The following TRPM6 variants were observed in gnomAD, a reference collection of about 807,000 sequenced individuals.
The protein encoded by TRPM6 is channel kinase 2.
In TRPM6, 111 loss-of-function variants were observed where a neutral mutation model predicts 247.6. The observed-to-expected ratio is 0.45, with a 90% CI of 0.38 to 0.52. The LOEUF (loss-of-function observed/expected upper bound fraction) is 0.52. TRPM6 is among the 20% of genes least tolerant of loss of function. The pLI is 0.00. For missense variants in TRPM6, 2,126 were observed against 2,421.5 expected (o/e 0.88, Z 2.56); for synonymous variants, 892 against 853.8 (o/e 1.04, Z -0.78).
rs138589301 is a variant in TRPM6 at position 74,887,722 on chromosome 9, T to C, written c.33+102A>G. On this transcript the variant is annotated intron_variant, in intron 1 of 38. Coordinates refer to ENST00000360774, the MANE Select transcript of TRPM6 (RefSeq NM_017662.5). ...AGCTATTCTAGATCCTCGTTAGATG[T>C]AGTGTCCCTGGCCCCACCCACTTCT... 4.1e-4 allele frequency: 668 copies of C among 1,613,012 alleles called. 4 individuals are homozygous for C. The African/African-American group carries it at 7.1e-3, about 17-fold the overall frequency.
At chr9:74,843,723 G>A (rs1830017044) in intron 3 of TRPM6, among the ~76,000 whole-genome samples, 1 of 148,590 alleles carries the variant, frequency 6.7e-6, no homozygotes, top group Non-Finnish European at 1.5e-5. Flanking sequence ...GCTGAGACGG[G>A]AAAATGGCAT....
At chr9:74,858,344 G>A (rs538866131) in intron 2 of TRPM6, among the ~76,000 whole-genome samples, 2 of 152,274 alleles carry the variant, frequency 1.3e-5, no homozygotes, top group Admixed American at 6.5e-5. Flanking sequence ...CTGAGATTGC[G>A]CCACTGCACT....
intron 9 of TRPM6, among the ~76,000 whole-genome samples, chr9:74,818,555 G>A (rs530093450): frequency 6.6e-5 from 10 of 151,982 alleles, no homozygotes; most frequent in Admixed American, 4.6e-4. Context: ...CACCCACTTC[G>A]GCCTCCCAAA....
chr9:74,842,966 G>T (rs765464216), intron 3 of TRPM6, among the ~76,000 whole-genome samples: 35 of 152,264 alleles, frequency 2.3e-4, no homozygotes, highest in Middle Eastern at 6.8e-3. Flanking sequence ...TTTCACAAAA[G>T]ATTTCTCTGT....
chr9:74,818,197 C>CT (rs969025832), intron 9 of TRPM6, among the ~76,000 whole-genome samples: 4 of 151,070 alleles, frequency 2.6e-5, no homozygotes, highest in African/African-American at 9.8e-5. Context: ...TTTACCTGTC[C>CT]TTTTCTTAAC....
intron 36 of TRPM6, among the ~76,000 whole-genome samples, chr9:74,735,968 G>A (rs1297498993): frequency 6.6e-6 from 1 of 152,154 alleles, no homozygotes; most frequent in Non-Finnish European, 1.5e-5. Flanking sequence ...ACAGCACACT[G>A]AGCAGGGCCT....
chr9:74,737,500 C>T (rs894150109), intron 36 of TRPM6: 4 of 1,132,910 alleles, frequency 3.5e-6, no homozygotes, highest in Admixed American at 4.6e-5. Context: ...TTTAAACAAA[C>T]CATAAGATGG....
intron 31 of TRPM6, among the ~76,000 whole-genome samples, chr9:74,746,211 C>G (rs1318477318): frequency 6.6e-6 from 1 of 151,220 alleles, no homozygotes; most frequent in African/African-American, 2.4e-5. Flanking sequence ...TGCACTGCAG[C>G]CTGGGCGACA....
chr9:74,879,432 C>T (rs1831292391), intron 1 of TRPM6, among the ~76,000 whole-genome samples: 1 of 151,958 alleles, frequency 6.6e-6, no homozygotes. Flanking sequence ...TAATAACTCC[C>T]ATATCCTTTC....
intron 3 of TRPM6, among the ~76,000 whole-genome samples, chr9:74,844,368 TTTG>T (rs966826105): frequency 1.4e-4 from 21 of 152,364 alleles, no homozygotes; most frequent in African/African-American, 4.8e-4. Flanking sequence ...ATTGAAAATC[TTTG>T]TTTAGTGTAG....
intron 15 of TRPM6, among the ~76,000 whole-genome samples, chr9:74,803,101 A>G (rs1828400479): frequency 6.6e-6 from 1 of 152,240 alleles, no homozygotes; most frequent in South Asian, 2.1e-4. Context: ...TCTATAAATA[A>G]AAGGAATTCA....
intron 11 of TRPM6, among the ~76,000 whole-genome samples, chr9:74,814,073 G>A (rs1481089102): frequency 3.3e-5 from 5 of 152,162 alleles, no homozygotes; most frequent in Admixed American, 2.0e-4. Context: ...CTCCAGCCTG[G>A]GCCACAGAGT....
intron 7 of TRPM6, among the ~76,000 whole-genome samples, chr9:74,826,481 T>A (rs1829332215): frequency 6.6e-6 from 1 of 152,178 alleles, no homozygotes; most frequent in Non-Finnish European, 1.5e-5. Context: ...GAAGATTTAA[T>A]TCGGCACAAG....
rs1564026066 is a variant in TRPM6 at position 74,812,294 on chromosome 9, C to G, written c.1443+5G>C. ...GAAATGATTGATGAAATGTTCCATA[C>G]TCACTGTATTGTAGAGCTCTTCCAG... On this transcript the variant is annotated splice_donor_5th_base_variant and intron_variant, in intron 12 of 38. Coordinates refer to ENST00000360774, the MANE Select transcript of TRPM6 (RefSeq NM_017662.5). The G allele has an allele frequency of 6.2e-7, 1 of 1,613,592 alleles. No homozygotes were observed. Among genetic ancestry groups the G allele is most frequent in the Non-Finnish European group, 8.5e-7 (1 of 1,179,860 alleles).
chr9:74,873,009 T>G (rs1428061603), intron 1 of TRPM6, among the ~76,000 whole-genome samples: 1 of 152,232 alleles, frequency 6.6e-6, no homozygotes, highest in African/African-American at 2.4e-5. Context: ...AAGATAAAGT[T>G]GTAAAGTTCT....
chr9:74,869,476 G>A (rs1198879817), intron 1 of TRPM6, among the ~76,000 whole-genome samples: 1 of 150,132 alleles, frequency 6.7e-6, no homozygotes, highest in African/African-American at 2.4e-5. Context: ...AAAAGAAACT[G>A]TCATAAATGG....
intron 5 of TRPM6, among the ~76,000 whole-genome samples, chr9:74,839,590 A>G (rs1829846425): frequency 6.6e-6 from 1 of 152,130 alleles, no homozygotes; most frequent in Admixed American, 6.5e-5. Context: ...TGTCCCTTCT[A>G]GCCTTGCTGT....
rs990643884 is a variant in TRPM6 at position 74,728,154 on chromosome 9, A to T, written c.5935+85T>A. 1.5e-5 allele frequency: 16 copies of T among 1,064,316 alleles called. No homozygotes were observed. The African/African-American group carries it at 2.3e-4, about 16-fold the overall frequency. The allele number at this position is 1,064,316 out of a possible 1,614,324, so 65.9% of individuals were successfully genotyped here. A position where few individuals can be genotyped will look rare whatever the true frequency, so the allele number is the denominator to read the frequency against. The stretch of plus-strand genomic sequence containing the variant: ...CGGTGAATGAGATAAAAATGTGATT[A>T]CGATTTTCTACTTTATCCCAGGTTA... On this transcript the variant is annotated intron_variant, in intron 38 of 38. Coordinates refer to ENST00000360774, the MANE Select transcript of TRPM6 (RefSeq NM_017662.5).
intron 18 of TRPM6, among the ~76,000 whole-genome samples, chr9:74,795,010 ATT>A (rs1300219241): frequency 6.6e-6 from 1 of 151,978 alleles, no homozygotes; most frequent in East Asian, 1.9e-4. Flanking sequence ...GATAGAATAG[ATT>A]TTGTTATACA....
Sources: allele counts gnomAD v4.1 joint callset (sites outside exome capture counted in the v4.1 genomes callset), GRCh38; gene constraint gnomAD v4.1.1; transcripts MANE v1.5; gene names NCBI Gene and HGNC (gene_info 2026-07-23, HGNC 2026-07-21).